Variants in TPST2 observed in about 807,000 individuals in gnomAD.
TPST2 encodes the protein protein-tyrosine sulfotransferase 2.
In TPST2, 16 loss-of-function variants were observed where a neutral mutation model predicts 27.8. The observed-to-expected ratio is 0.58, with a 90% CI of 0.39 to 0.88. The LOEUF is 0.88. Ranked by LOEUF, TPST2 falls within the 40% of genes least tolerant of loss-of-function variation. TPST2 has a pLI of 0.00. For synonymous variants in TPST2, 229 were observed against 231.7 expected, an observed-to-expected ratio of 0.99 and a Z score of 0.10; for missense variants, 464 against 543.1, an observed-to-expected ratio of 0.85 and a Z score of 1.45.
intron 1 of TPST2, among the ~76,000 whole-genome samples, chr22:26,564,022 GC>G (rs1927257710): frequency 6.6e-6 from 1 of 152,146 alleles, no homozygotes; most frequent in African/African-American, 2.4e-5. Context: ...AGACCCTCCT[GC>G]CAGCAGTCTG....
At chr22:26,536,164 AG>A (rs1237841564) in intron 4 of TPST2, 123 bp downstream of exon 4, 1 of 1,244,776 alleles carries the variant, frequency 8.0e-7, no homozygotes, top group Non-Finnish European at 1.2e-6. Flanking sequence ...TCCATCAGAC[AG>A]GAACAAATCA....
chr22:26,553,440 C>T (rs76683120), intron 1 of TPST2, among the ~76,000 whole-genome samples: 3,445 of 150,658 alleles, frequency 0.023, 140 homozygotes, highest in African/African-American at 0.08. Context: ...GGAGTGATCA[C>T]TGTTCACTGC....
At chr22:26,569,734 GAGGTC>G (rs1180698880) in intron 1 of TPST2, among the ~76,000 whole-genome samples, 1 of 152,004 alleles carries the variant, frequency 6.6e-6, no homozygotes, top group African/African-American at 2.4e-5. Flanking sequence ...AGGATCACCT[GAGGTC>G]AGGAGTTCAA....
At chr22:26,572,259 G>T (rs1030665537) in intron 1 of TPST2, among the ~76,000 whole-genome samples, 1 of 152,126 alleles carries the variant, frequency 6.6e-6, no homozygotes, top group African/African-American at 2.4e-5. Flanking sequence ...AACTCAACTG[G>T]AGACTTTTAC....
intron 3 of TPST2, among the ~76,000 whole-genome samples, chr22:26,538,759 G>A (rs1925626979): frequency 6.6e-6 from 1 of 152,116 alleles, no homozygotes; most frequent in South Asian, 2.1e-4. Flanking sequence ...GGAGGCGGAG[G>A]TTGCAGTGAG....
chr22:26,558,393 G>A (rs1569189118), intron 1 of TPST2, among the ~76,000 whole-genome samples: 3 of 152,008 alleles, frequency 2.0e-5, no homozygotes, highest in Admixed American at 6.6e-5. Flanking sequence ...TGCCTGCCTC[G>A]GCCTCCCAAA....
At chr22:26,530,676 C>T (rs1176257769) in intron 5 of TPST2, among the ~76,000 whole-genome samples, 1 of 145,310 alleles carries the variant, frequency 6.9e-6, no homozygotes, top group Admixed American at 7.2e-5. Context: ...GGGTTCAGAT[C>T]TTTTGAAGAC....
At chr22:26,573,063 A>G (rs1188008719) in intron 1 of TPST2, among the ~76,000 whole-genome samples, 1 of 152,106 alleles carries the variant, frequency 6.6e-6, no homozygotes, top group Admixed American at 6.5e-5. Context: ...CTTTACTACC[A>G]TATTAGAGCT....
chr22:26,529,260 G>T (rs1320973871), intron 5 of TPST2, among the ~76,000 whole-genome samples: 1 of 152,064 alleles, frequency 6.6e-6, no homozygotes, highest in Non-Finnish European at 1.5e-5. Context: ...CCAAGTAGCT[G>T]GGACTACAGA....
intron 6 of TPST2, 133 bp downstream of exon 6, chr22:26,528,081 C>T: frequency 1.0e-6 from 1 of 956,440 alleles, no homozygotes; most frequent in Non-Finnish European, 1.6e-6. Flanking sequence ...TCTGATGGGG[C>T]TGGGTCAGCC....
At chr22:26,581,056 A>G (rs892770282) in intron 1 of TPST2, among the ~76,000 whole-genome samples, 4 of 115,698 alleles carry the variant, frequency 3.5e-5, no homozygotes, top group African/African-American at 5.8e-5. Context: ...ACACACACGC[A>G]CACACACACA....
intron 4 of TPST2, 46 bp from the exon 5 acceptor site, chr22:26,532,791 A>G: frequency 6.3e-7 from 1 of 1,593,056 alleles, no homozygotes; most frequent in South Asian, 1.1e-5. Flanking sequence ...AATGGCCAAA[A>G]AATAAAATTT....
intron 1 of TPST2, among the ~76,000 whole-genome samples, chr22:26,587,550 A>G (rs1002651177): frequency 2.0e-5 from 3 of 152,240 alleles, no homozygotes; most frequent in Admixed American, 6.5e-5. Flanking sequence ...CATATTGGAT[A>G]GGCTGGTCTC....
chr22:26,553,332 CG>C (rs1339902282), intron 1 of TPST2, among the ~76,000 whole-genome samples: 1 of 150,298 alleles, frequency 6.7e-6, no homozygotes, highest in Admixed American at 6.6e-5. Flanking sequence ...TCTGTTGCCA[CG>C]TAAGGACTAG....
intron 1 of TPST2, among the ~76,000 whole-genome samples, chr22:26,559,320 T>C (rs2187862): frequency 0.43 from 65,815 of 152,152 alleles, 14,378 homozygotes; most frequent in East Asian, 0.52. Context: ...GAGCCAAAAT[T>C]GCGCCACTGC....
rs1924670419 is a variant in TPST2 at position 26,523,578 on chromosome 22, ATTTTG to A, written c.*2692_*2696del. On this transcript the variant is annotated 3_prime_UTR_variant, in exon 7 of 7. Transcript: ENST00000338754. ...TAGAAACAGAAATTGTATTTATTTT[ATTTTG>A]TTTTATTTATTTTATTTTTGAGATG... 6.6e-6 allele frequency: 1 copy of A among 151,958 alleles called. No homozygotes were observed. The highest frequency in any genetic ancestry group is 6.6e-5 in the Admixed American group (1 of 15,230). The allele number at this position is 151,958 out of a possible 1,614,324, so 9.4% of individuals were successfully genotyped here. A position where few individuals can be genotyped will look rare whatever the true frequency, so the allele number is the denominator to read the frequency against.
intron 1 of TPST2, chr22:26,547,690 C>T (rs1926199979): frequency 6.6e-6 from 1 of 152,208 alleles, no homozygotes; most frequent in East Asian, 1.9e-4. Flanking sequence ...TGGTGCACGC[C>T]TGTAGTCCCA....
chr22:26,527,474 A>G (rs12159480), intron 6 of TPST2, among the ~76,000 whole-genome samples: 1 of 152,208 alleles, frequency 6.6e-6, no homozygotes, highest in South Asian at 2.1e-4. Context: ...TGAAGAAAAC[A>G]GGGGCTGAAG....
intron 1 of TPST2, among the ~76,000 whole-genome samples, chr22:26,582,907 C>T (rs145225639): frequency 1.3e-5 from 2 of 152,140 alleles, no homozygotes; most frequent in East Asian, 1.9e-4. Flanking sequence ...AGGTAGGGGC[C>T]TGTACCAGGT....
Sources: allele counts gnomAD v4.1 joint callset (sites outside exome capture counted in the v4.1 genomes callset), GRCh38; gene constraint gnomAD v4.1.1; transcripts MANE v1.5; gene names NCBI Gene and HGNC (gene_info 2026-07-23, HGNC 2026-07-21).